Variants in VEZT observed in about 807,000 individuals in gnomAD.
VEZT encodes the protein vezatin, adherens junctions transmembrane protein.
Under a neutral mutation model 79.9 loss-of-function variants are expected in VEZT, and 39 were observed. The observed-to-expected ratio is 0.49, with a 90% CI of 0.38 to 0.64. VEZT has a LOEUF of 0.64. Among genes scored for constraint, VEZT ranks in the 30% least tolerant of loss-of-function variants. VEZT has a pLI of 0.00. For missense variants in VEZT, 837 were observed against 893.1 expected, an observed-to-expected ratio of 0.94 and a Z score of 0.80; for synonymous variants, 325 against 327.6, an observed-to-expected ratio of 0.99 and a Z score of 0.09.
Position 95,300,540 on chromosome 12 carries a change from C to T in VEZT, c.2207C>T (p.Thr736Ile), listed in dbSNP as rs745692685. 4 of 1,613,916 alleles carry T rather than the reference C, an allele frequency of 2.5e-6. No homozygotes were observed. The South Asian group carries it at 3.3e-5, about 13-fold the overall frequency. Reference sequence around the variant, plus strand: ...CGGCTACAGCTGTCACCAGATTTTACCTTCACTGCTGGCCTTGCTGCAGAA... The same window carrying T: ...CGGCTACAGCTGTCACCAGATTTTATCTTCACTGCTGGCCTTGCTGCAGAA... Reference protein sequence around the residue: ...LARLQLSPDFTFTAGLAAEVA... With the variant: ...LARLQLSPDFIFTAGLAAEVA... The change falls in exon 12 of 12, where the codon ACC becomes ATC. Residue 736 changes from threonine to isoleucine, a missense_variant. Thr to Ile is a moderately conservative substitution (Grantham distance 89, BLOSUM62 -1). Transcript: ENST00000436874.
In VEZT at chr12:95,301,577, A is replaced by G. The variant is rs1280269985; in HGVS notation, c.*904A>G. On this transcript the variant is annotated 3_prime_UTR_variant, in exon 12 of 12. Transcript: ENST00000436874. ...TCCTTGTCTCCTTAGTATTTCATTT[A>G]CAAACTACCTCTTAACAGAGACTGC... is the stretch of plus-strand genomic sequence containing the variant. 1 of 152,220 alleles carries G rather than the reference A, an allele frequency of 6.6e-6. No homozygotes were observed. Among genetic ancestry groups the G allele is most frequent in the Non-Finnish European group, 1.5e-5 (1 of 68,034 alleles). 9.4% of individuals were successfully genotyped at this position (152,220 alleles called of 1,614,324 possible).
At chr12:95,296,369 C>T in intron 11 of VEZT, 111 bp downstream of exon 11, 1 of 981,164 alleles carries the variant, frequency 1.0e-6, no homozygotes, top group Non-Finnish European at 1.5e-6. Context: ...TAAGGGTCCA[C>T]CAGTATGCAT....
intron 9 of VEZT, among the ~76,000 whole-genome samples, chr12:95,292,943 C>T (rs560255110): frequency 1.1e-4 from 16 of 151,412 alleles, no homozygotes; most frequent in East Asian, 5.8e-4. Flanking sequence ...CTCCATCTCC[C>T]GGGTTCAAAC....
chr12:95,271,539 A>G (rs2066596745), intron 6 of VEZT, among the ~76,000 whole-genome samples: 1 of 152,358 alleles, frequency 6.6e-6, no homozygotes, highest in South Asian at 2.1e-4. Context: ...TGAGGATAAG[A>G]GTCTGCATTC....
intron 3 of VEZT, chr12:95,262,361 GAGA>G (rs1307942814): frequency 2.0e-5 from 3 of 152,220 alleles, no homozygotes; most frequent in South Asian, 2.1e-4. Context: ...ATAGAAAGAA[GAGA>G]AGGAGAAATA....
chr12:95,256,702 CT>C, intron 2 of VEZT: 1 of 727,058 alleles, frequency 1.4e-6, no homozygotes, highest in South Asian at 1.6e-5. Context: ...GTCAAAGTAT[CT>C]TTTTGACTTA....
intron 1 of VEZT, among the ~76,000 whole-genome samples, chr12:95,221,200 G>C (rs570655311): frequency 4.6e-5 from 7 of 152,292 alleles, no homozygotes; most frequent in African/African-American, 1.7e-4. Context: ...TGATTTGAAG[G>C]AATTATTTAC....
At chr12:95,269,589 T>C (rs757725368) in intron 5 of VEZT, among the ~76,000 whole-genome samples, 2 of 152,206 alleles carry the variant, frequency 1.3e-5, no homozygotes, top group Non-Finnish European at 2.9e-5. Flanking sequence ...CGTATGTAAA[T>C]GTATATTAAG....
intron 1 of VEZT, among the ~76,000 whole-genome samples, chr12:95,236,429 G>C (rs1222005598): frequency 1.3e-5 from 2 of 152,178 alleles, no homozygotes; most frequent in African/African-American, 4.8e-5. Context: ...GAGGGAGAGG[G>C]AGACTGTGGG....
At chr12:95,247,238 G>A (rs1253367834) in intron 1 of VEZT, among the ~76,000 whole-genome samples, 1 of 152,070 alleles carries the variant, frequency 6.6e-6, no homozygotes, top group Non-Finnish European at 1.5e-5. Context: ...TACTTGTTTC[G>A]GTACGGCTAT....
In VEZT at chr12:95,300,876, G is replaced by A. The variant is rs1303159581; in HGVS notation, c.*203G>A. ...GATCTTTTAGGAAAATAAGAGAAAG[G>A]TAAGGGCTCTTTTGAATAAACTGCT... On this transcript the variant is annotated 3_prime_UTR_variant, in exon 12 of 12. Coordinates refer to ENST00000436874, the MANE Select transcript of VEZT (RefSeq NM_017599.4). 1 of 528,372 alleles carries A rather than the reference G, an allele frequency of 1.9e-6. No homozygotes were observed. Among genetic ancestry groups the A allele is most frequent in the Non-Finnish European group, 2.9e-6 (1 of 347,134 alleles). 32.7% of individuals were successfully genotyped at this position (528,372 alleles called of 1,614,324 possible). A position where few individuals can be genotyped will look rare whatever the true frequency, so the allele number is the denominator to read the frequency against.
At chr12:95,220,344 A>G (rs914882304) in intron 1 of VEZT, among the ~76,000 whole-genome samples, 2 of 152,012 alleles carry the variant, frequency 1.3e-5, no homozygotes, top group Admixed American at 1.3e-4. Context: ...AGTCCCAGCT[A>G]CTCGGGAGGC....
At chr12:95,225,911 G>A (rs993302012) in intron 1 of VEZT, among the ~76,000 whole-genome samples, 3 of 151,676 alleles carry the variant, frequency 2.0e-5, no homozygotes, top group Non-Finnish European at 2.9e-5. Context: ...GCAATATAGA[G>A]AGACCTTGTT....
At position 95,243,361 on chromosome 12, in the gene VEZT, C is replaced by CA. The variant is rs34891631; in HGVS notation, c.37-8560dup. ...TGGGTGACAGAGTGAGACACCATCT[C>CA]AAAAAAAAAAAAAAAAAAAGCTCCA... On this transcript the variant is annotated intron_variant, in intron 1 of 11. Coordinates refer to ENST00000436874, the MANE Select transcript of VEZT (RefSeq NM_017599.4). 9.5e-3 allele frequency among the ~76,000 whole-genome samples: 689 copies of CA among 72,820 alleles called. 9 individuals are homozygous for CA. The highest frequency in any genetic ancestry group is 0.025 in the Middle Eastern group (3 of 118). 47.8% of individuals were successfully genotyped at this position (72,820 alleles called of 152,430 possible). A position where few individuals can be genotyped will look rare whatever the true frequency, so the allele number is the denominator to read the frequency against.
intron 1 of VEZT, among the ~76,000 whole-genome samples, chr12:95,244,380 C>CTAAA (rs1317156762): frequency 6.6e-6 from 1 of 152,052 alleles, no homozygotes; most frequent in African/African-American, 2.4e-5. Context: ...GACCCTGTTT[C>CTAAA]TAAATAAATA....
chr12:95,300,160 T>C lies in VEZT; in HGVS notation c.1832-5T>C, dbSNP rs1215692053. The C allele has an allele frequency of 2.1e-6, 3 of 1,395,762 alleles. No individual in the cohort carries two copies. The African/African-American group carries it at 4.4e-5, about 21-fold the overall frequency. The allele number at this position is 1,395,762 out of a possible 1,614,324, so 86.5% of individuals were successfully genotyped here. ...TTTTTCTTTTTTCTTTTTTTTTATT[T>C]GAAGCCGTGTTGAAATCCTTGTCTC... On this transcript the variant is annotated splice_polypyrimidine_tract_variant and splice_region_variant and intron_variant, in intron 11 of 11. Transcript: ENST00000436874.
chr12:95,297,004 G>A (rs537124062), intron 11 of VEZT: 2 of 152,382 alleles, frequency 1.3e-5, no homozygotes, highest in African/African-American at 4.8e-5. Flanking sequence ...AGACCAGTGA[G>A]CCACATCATT....
chr12:95,282,270 C>T (rs779307382), intron 7 of VEZT, 43 bp from the exon 8 acceptor site: 2 of 1,448,850 alleles, frequency 1.4e-6, no homozygotes, highest in African/African-American at 1.7e-5. Flanking sequence ...GAACACTGAC[C>T]AATATTTTTA....
At chr12:95,260,942 A>G (rs1479743964) in intron 3 of VEZT, among the ~76,000 whole-genome samples, 1 of 149,780 alleles carries the variant, frequency 6.7e-6, no homozygotes, top group Non-Finnish European at 1.5e-5. Context: ...GAGAAGAGGC[A>G]GTTGTTCAAA....
Sources: allele counts gnomAD v4.1 joint callset (sites outside exome capture counted in the v4.1 genomes callset), GRCh38; gene constraint gnomAD v4.1.1; transcripts MANE v1.5; gene names NCBI Gene and HGNC (gene_info 2026-07-23, HGNC 2026-07-21).